Variants in KHDRBS2 observed in about 807,000 individuals in gnomAD.
KHDRBS2 encodes KH domain-containing, RNA-binding, signal transduction-associated protein 2.
A neutral mutation model predicts 44.3 loss-of-function variants in KHDRBS2; 26 were observed. That is an observed-to-expected ratio of 0.59 (90% CI 0.43 to 0.81). The LOEUF is 0.81. Among genes scored for constraint, KHDRBS2 ranks in the 40% least tolerant of loss-of-function variants. KHDRBS2 has a pLI of 0.00. For synonymous variants in KHDRBS2, 194 were observed against 151.1 expected (o/e 1.28, Z -2.08); for missense variants, 476 against 433.1 (o/e 1.10, Z -0.88).
chr6:61,647,316 A>G, the KHDRBS2 span, among the ~76,000 whole-genome samples: 131 of 152,252 alleles, frequency 8.6e-4, no homozygotes, highest in African/African-American at 3.0e-3. Context: ...TAGGTTTATA[A>G]TATTACTTGT....
chr6:61,671,747 A>C, the KHDRBS2 span, among the ~76,000 whole-genome samples: 804 of 151,846 alleles, frequency 5.3e-3, 5 homozygotes, highest in South Asian at 0.01. Flanking sequence ...AATATTTAAC[A>C]CTGAATGGTA....
intron 2 of KHDRBS2, among the ~76,000 whole-genome samples, chr6:62,074,921 A>G (rs572250789): frequency 2.3e-4 from 35 of 151,906 alleles, no homozygotes; most frequent in Non-Finnish European, 4.7e-4. Flanking sequence ...ATGTCCCTAC[A>G]GTTTTTGAAT....
the KHDRBS2 span, among the ~76,000 whole-genome samples, chr6:61,653,216 G>C: frequency 1.3e-5 from 2 of 152,016 alleles, no homozygotes; most frequent in African/African-American, 2.4e-5. Context: ...AACAAGATAA[G>C]GAGTTGAAAA....
In KHDRBS2 at chr6:62,059,005, G is replaced by T. The variant is rs1369138139; in HGVS notation, c.220-11011C>A. 2.6e-4 allele frequency among the ~76,000 whole-genome samples: 39 copies of T among 151,524 alleles called. No individual in the cohort carries two copies. The East Asian group carries it at 7.1e-3, about 27-fold the overall frequency. ...CATTTGCTTAGCACCTGAAACTTAG[G>T]AAACATATGAAAGAACCAAATATAA... On this transcript the variant is annotated intron_variant, in intron 2 of 8. Transcript: ENST00000281156.
At chr6:61,934,213 G>T (rs1810618636) in intron 4 of KHDRBS2, among the ~76,000 whole-genome samples, 1 of 152,040 alleles carries the variant, frequency 6.6e-6, no homozygotes, top group African/African-American at 2.4e-5. Flanking sequence ...CCCCTTGTCA[G>T]ATATATACTT....
At chr6:62,085,408 T>C (rs1413760628) in intron 2 of KHDRBS2, among the ~76,000 whole-genome samples, 1 of 151,900 alleles carries the variant, frequency 6.6e-6, no homozygotes, top group South Asian at 2.1e-4. Flanking sequence ...CAGTGGAAAA[T>C]TATCATCAAA....
chr6:62,177,482 T>C (rs1278503260), intron 1 of KHDRBS2, among the ~76,000 whole-genome samples, 170 bp from the exon 2 acceptor site: 1 of 151,454 alleles, frequency 6.6e-6, no homozygotes, highest in East Asian at 1.9e-4. Flanking sequence ...GTTATGTGAA[T>C]GCTGCTACTG....
chr6:61,818,285 G>GAAAAAAAAAAAAAAAAAA (rs1789311498), intron 6 of KHDRBS2, among the ~76,000 whole-genome samples: 1 of 132,302 alleles, frequency 7.6e-6, no homozygotes, highest in African/African-American at 3.5e-5. Flanking sequence ...AAAAAAAAAG[G>GAAAAAAAAAAAAAAAAAA]ATAGTAGGCA....
At chr6:61,569,254 C>A in the KHDRBS2 span, among the ~76,000 whole-genome samples, 1 of 152,158 alleles carries the variant, frequency 6.6e-6, no homozygotes, top group East Asian at 1.9e-4. Flanking sequence ...CAAGGAAAGT[C>A]TGAGCCCAGA....
At chr6:62,148,856 G>A (rs189077385) in intron 2 of KHDRBS2, among the ~76,000 whole-genome samples, 16 of 152,030 alleles carry the variant, frequency 1.1e-4, no homozygotes, top group African/African-American at 2.9e-4. Flanking sequence ...TTTATCTTAC[G>A]TAAAAATTCA....
At chr6:61,815,496 A>G (rs1254851711) in intron 6 of KHDRBS2, among the ~76,000 whole-genome samples, 4 of 152,132 alleles carry the variant, frequency 2.6e-5, no homozygotes, top group African/African-American at 4.8e-5. Flanking sequence ...AGCAAAAGTA[A>G]CGAGTTCTTG....
chr6:62,079,918 A>G (rs1417392672), intron 2 of KHDRBS2, among the ~76,000 whole-genome samples: 1 of 152,100 alleles, frequency 6.6e-6, no homozygotes, highest in Non-Finnish European at 1.5e-5. Flanking sequence ...GCCTACAGAC[A>G]TTCAAGCATG....
At chr6:61,773,153 C>T (rs895031330) in intron 6 of KHDRBS2, among the ~76,000 whole-genome samples, 12 of 151,786 alleles carry the variant, frequency 7.9e-5, no homozygotes, top group African/African-American at 2.9e-4. Context: ...TGGGTATATA[C>T]CCAGTAATGG....
chr6:61,704,736 C>T lies in KHDRBS2; in HGVS notation c.894-7483G>A, dbSNP rs62423547. On this transcript the variant is annotated intron_variant, in intron 7 of 8. Coordinates refer to ENST00000281156, the MANE Select transcript of KHDRBS2 (RefSeq NM_152688.4). ...CCTTTTTGATGCCTTATCATCAACA[C>T]CTGGCACATTATTCAACACATAGTA... Among the ~76,000 whole-genome samples the T allele has an allele frequency of 5.0e-3, 718 of 143,236 alleles. 3 individuals are homozygous for T. The highest frequency in any genetic ancestry group is 8.0e-3 in the Non-Finnish European group (518 of 64,776). The allele number at this position is 143,236 out of a possible 152,430, so 94.0% of individuals were successfully genotyped here.
chr6:61,837,970 A>G (rs1339807011), intron 6 of KHDRBS2, among the ~76,000 whole-genome samples: 1 of 152,028 alleles, frequency 6.6e-6, no homozygotes, highest in East Asian at 1.9e-4. Context: ...TGACAAAAAG[A>G]TCCTCTTCTA....
chr6:62,024,276 G>A (rs1031792943), intron 3 of KHDRBS2, among the ~76,000 whole-genome samples: 1 of 151,298 alleles, frequency 6.6e-6, no homozygotes, highest in Non-Finnish European at 1.5e-5. Flanking sequence ...GAGATAAAAA[G>A]AATGAGAATG....
chr6:61,967,204 CAAAAAAA>C (rs57036975), intron 4 of KHDRBS2, among the ~76,000 whole-genome samples: 1 of 123,660 alleles, frequency 8.1e-6, no homozygotes, highest in Non-Finnish European at 1.8e-5. Flanking sequence ...ACTATGTTTA[CAAAAAAA>C]AAAAAAAAAA....
chr6:61,701,223 AAT>A (rs1440074156), intron 7 of KHDRBS2, among the ~76,000 whole-genome samples: 1 of 151,942 alleles, frequency 6.6e-6, no homozygotes, highest in East Asian at 1.9e-4. Flanking sequence ...AAGGTTTACA[AAT>A]TATAAGAGCT....
the KHDRBS2 span, among the ~76,000 whole-genome samples, chr6:61,547,837 C>T: frequency 6.6e-6 from 1 of 152,034 alleles, no homozygotes; most frequent in Admixed American, 6.6e-5. Context: ...CATTCTTCTT[C>T]CCCAAAAAGT....
Sources: allele counts gnomAD v4.1 joint callset (sites outside exome capture counted in the v4.1 genomes callset), GRCh38; gene constraint gnomAD v4.1.1; transcripts MANE v1.5; gene names NCBI Gene and HGNC (gene_info 2026-07-23, HGNC 2026-07-21).